KAZN: variants seen among roughly 807,000 people sequenced by gnomAD.
The protein encoded by KAZN is kazrin, periplakin interacting protein.
A neutral mutation model predicts 87.4 loss-of-function variants in KAZN; 40 were observed. That is an observed-to-expected ratio of 0.46 (90% CI 0.36 to 0.60). KAZN has a LOEUF of 0.60. Ranked by LOEUF, KAZN falls within the 20% of genes least tolerant of loss-of-function variation. The pLI is 0.00. For synonymous variants in KAZN, 466 were observed against 458.3 expected (o/e 1.02, Z -0.22); for missense variants, 898 against 1,073.9 (o/e 0.84, Z 2.29).
intron 1 of KAZN, among the ~76,000 whole-genome samples, chr1:14,875,966 A>G (rs1652723943): frequency 6.6e-6 from 1 of 152,234 alleles, no homozygotes; most frequent in Non-Finnish European, 1.5e-5. Flanking sequence ...TTCACAGTTG[A>G]CACCCCCTGC....
intron 1 of KAZN, chr1:14,924,397 C>T (rs1273253608): frequency 9.1e-6 from 9 of 988,846 alleles, no homozygotes; most frequent in Non-Finnish European, 7.2e-6. Context: ...CGTGGGAGCG[C>T]GTCCGCCAGC....
chr1:14,799,447 A>AAGG (rs1263498401), intron 1 of KAZN, among the ~76,000 whole-genome samples: 1 of 152,228 alleles, frequency 6.6e-6, no homozygotes, highest in East Asian at 1.9e-4. Context: ...ATTATTCAAA[A>AAGG]AGGAGGAACA....
chr1:13,929,808 C>A (rs1209794557), intron 1 of KAZN, among the ~76,000 whole-genome samples: 1 of 152,192 alleles, frequency 6.6e-6, no homozygotes, highest in East Asian at 1.9e-4. Flanking sequence ...TAAGTGTTTG[C>A]TACGACCAGA....
intron 2 of KAZN, among the ~76,000 whole-genome samples, chr1:14,980,951 C>T (rs1357508931): frequency 3.3e-5 from 5 of 152,138 alleles, no homozygotes; most frequent in African/African-American, 1.2e-4. Context: ...GAGCATGTGA[C>T]GCCCTGACAA....
At chr1:15,045,216 G>C (rs1183463077) in intron 4 of KAZN, among the ~76,000 whole-genome samples, 1 of 152,182 alleles carries the variant, frequency 6.6e-6, no homozygotes, top group Non-Finnish European at 1.5e-5. Context: ...CTTGTGGCTA[G>C]AGTAGGGGAA....
chr1:15,103,989 T>G, intron 12 of KAZN, 34 bp from the exon 13 acceptor site: 1 of 1,601,626 alleles, frequency 6.2e-7, no homozygotes, highest in Non-Finnish European at 8.5e-7. Flanking sequence ...GCATGGCCCC[T>G]GCAGGCTAAC....
chr1:14,532,712 A>C (rs1180748855), intron 2 of KAZN, among the ~76,000 whole-genome samples: 3 of 146,400 alleles, frequency 2.0e-5, no homozygotes, highest in African/African-American at 7.6e-5. Context: ...GAGTGAGAAC[A>C]TGCAGTGTTT....
chr1:14,646,959 C>G (rs146454615), intron 1 of KAZN, among the ~76,000 whole-genome samples: 1 of 152,184 alleles, frequency 6.6e-6, no homozygotes, highest in Non-Finnish European at 1.5e-5. Context: ...TGCTCCAGCA[C>G]GTGGATGGGG....
intron 1 of KAZN, among the ~76,000 whole-genome samples, chr1:13,922,437 C>G (rs1375954468): frequency 6.6e-6 from 1 of 152,140 alleles, no homozygotes; most frequent in Non-Finnish European, 1.5e-5. Context: ...TATTGGAAAT[C>G]CCTTGGAAAT....
intron 2 of KAZN, among the ~76,000 whole-genome samples, chr1:14,202,045 A>C (rs1000525413): frequency 6.6e-6 from 1 of 152,120 alleles, no homozygotes; most frequent in African/African-American, 2.4e-5. Context: ...CTGTGTAATC[A>C]CTTTAATTTA....
At chr1:14,598,198 T>A (rs1676632543), upstream of KAZN, among the ~76,000 whole-genome samples, 1 of 151,604 alleles carries the variant, frequency 6.6e-6, no homozygotes, top group South Asian at 2.1e-4. The surrounding 1 kb of genome is among the most constrained non-coding windows in gnomAD (Gnocchi z 4.2). Context: ...GGGTGGGGGG[T>A]GGAGAGTGAG....
chr1:14,692,419 C>A, intron 1 of KAZN: 1 of 276,850 alleles, frequency 3.6e-6, no homozygotes. Flanking sequence ...TCTGATGGCT[C>A]TCTATTACCA....
chr1:14,458,435 T>G (rs759292421), intron 2 of KAZN, among the ~76,000 whole-genome samples: 24 of 152,294 alleles, frequency 1.6e-4, no homozygotes, highest in Middle Eastern at 3.4e-3. Context: ...AATTCTTCCA[T>G]CTCTTCTTTC....
intron 1 of KAZN, among the ~76,000 whole-genome samples, chr1:14,837,069 C>T (rs1343288677): frequency 1.3e-5 from 2 of 151,970 alleles, no homozygotes; most frequent in Non-Finnish European, 2.9e-5. Context: ...TAAAGTTTTG[C>T]TGTGTGTTTA....
chr1:14,393,267 A>G lies in KAZN; in HGVS notation c.250-205716A>G, dbSNP rs1268612522. Among the ~76,000 whole-genome samples, 3 of 152,204 alleles carry G rather than the reference A, an allele frequency of 2.0e-5. No individual in the cohort carries two copies. In the East Asian group the frequency reaches 5.8e-4, roughly 29 times the overall value. On this transcript the variant is annotated intron_variant, in intron 2 of 16. Transcript: ENST00000636203. ...CTCGTGTATCACCTCTTGTTGATCT[A>G]TTTCACAAGTTTGAGAACGCTGAAG...
chr1:15,028,104 C>T (rs569195006), intron 2 of KAZN, among the ~76,000 whole-genome samples: 6 of 152,304 alleles, frequency 3.9e-5, no homozygotes, highest in African/African-American at 1.4e-4. Context: ...GTGCCATCAT[C>T]GTGGGGCCAC....
intron 1 of KAZN, among the ~76,000 whole-genome samples, chr1:14,681,977 C>T (rs1171053920): frequency 6.6e-6 from 1 of 151,790 alleles, no homozygotes; most frequent in Non-Finnish European, 1.5e-5. Context: ...TGAGCCACCG[C>T]GCCCGGCCCA....
At chr1:15,050,842 C>T (rs1453251868) in intron 4 of KAZN, among the ~76,000 whole-genome samples, 4 of 152,206 alleles carry the variant, frequency 2.6e-5, no homozygotes, top group African/African-American at 4.8e-5. Flanking sequence ...GGTCCTTGGT[C>T]TTTGGTCCTT....
intron 1 of KAZN, among the ~76,000 whole-genome samples, chr1:14,681,593 CTATATA>C: frequency 1.1e-5 from 1 of 94,208 alleles, no homozygotes; most frequent in Non-Finnish European, 2.0e-5. Context: ...GCCATTTTAA[CTATATA>C]TATATGTATA....
Sources: gnomAD v4.1 joint callset for allele counts (sites outside exome capture counted in the v4.1 genomes callset) on GRCh38, gnomAD v4.1.1 for gene constraint, Gnocchi (gnomAD v3.1) non-coding constraint, MANE v1.5 for transcripts, NCBI Gene and HGNC (gene_info 2026-07-23, HGNC 2026-07-21) for gene names.